The following GSG1L variants were observed in gnomAD, a reference collection of about 807,000 sequenced individuals.
GSG1L encodes the protein germ cell-specific gene 1-like protein.
In GSG1L, 24 loss-of-function variants were observed where a neutral mutation model predicts 42.1. That is an observed-to-expected ratio of 0.57 (90% CI 0.41 to 0.80). The LOEUF (loss-of-function observed/expected upper bound fraction) is 0.80. GSG1L is among the 30% of genes least tolerant of loss of function. GSG1L has a pLI of 0.00. For missense variants in GSG1L, 445 were observed against 472.2 expected (o/e 0.94, Z 0.53); for synonymous variants, 215 against 203.5 (o/e 1.06, Z -0.48).
intron 1 of GSG1L, among the ~76,000 whole-genome samples, chr16:28,035,559 A>G (rs950951307): frequency 1.3e-5 from 2 of 152,130 alleles, no homozygotes; most frequent in Non-Finnish European, 2.9e-5. Context: ...ATGTTTAATT[A>G]ATAAAATATC....
chr16:27,852,909 C>T (rs2083531886), intron 3 of GSG1L, among the ~76,000 whole-genome samples: 1 of 152,022 alleles, frequency 6.6e-6, no homozygotes, highest in South Asian at 2.1e-4. Context: ...ATGCTGGAGG[C>T]ATGGAGCCCC....
intron 4 of GSG1L, among the ~76,000 whole-genome samples, chr16:27,839,806 T>C (rs1645347): frequency 0.34 from 51,594 of 152,148 alleles, 9,028 homozygotes; most frequent in East Asian, 0.45. Context: ...CAAACTTTTA[T>C]AAGACACAAT....
intron 6 of GSG1L, among the ~76,000 whole-genome samples, chr16:27,797,578 T>C (rs1157034468): frequency 6.8e-6 from 1 of 147,216 alleles, no homozygotes; most frequent in Non-Finnish European, 1.5e-5. Context: ...ATCCCAGCAC[T>C]TTGGGAGGCC....
At chr16:27,964,128 G>A (rs1315487407) in intron 1 of GSG1L, among the ~76,000 whole-genome samples, 15 of 152,020 alleles carry the variant, frequency 9.9e-5, no homozygotes, top group Non-Finnish European at 1.5e-5. Flanking sequence ...TCAAGAGATG[G>A]AGACCATCCT....
intron 1 of GSG1L, among the ~76,000 whole-genome samples, chr16:28,003,567 C>T (rs751954168): frequency 2.0e-5 from 3 of 152,214 alleles, no homozygotes; most frequent in South Asian, 2.1e-4. Context: ...TCAGCATGGC[C>T]GGGTAAATCA....
At chr16:27,871,847 G>T (rs1329994377) in intron 3 of GSG1L, among the ~76,000 whole-genome samples, 2 of 152,194 alleles carry the variant, frequency 1.3e-5, no homozygotes, top group African/African-American at 2.4e-5. Context: ...TGATGGAATA[G>T]AAAATAGAGC....
intron 5 of GSG1L, among the ~76,000 whole-genome samples, chr16:27,817,166 T>G (rs1490611608): frequency 6.6e-6 from 1 of 152,172 alleles, no homozygotes; most frequent in African/African-American, 2.4e-5. Context: ...CCGGCCTGAT[T>G]CCAGGGCCGA....
chr16:27,879,816 G>A (rs1055991173), intron 3 of GSG1L, among the ~76,000 whole-genome samples: 3 of 148,668 alleles, frequency 2.0e-5, no homozygotes, highest in Admixed American at 1.3e-4. Context: ...ATTATTTTAT[G>A]TATTATTTTT....
chr16:27,930,469 G>T (rs1477464485), intron 2 of GSG1L, among the ~76,000 whole-genome samples: 2 of 152,182 alleles, frequency 1.3e-5, no homozygotes, highest in African/African-American at 4.8e-5. Flanking sequence ...TCCTCCCACT[G>T]GGATGTAAGC....
At chr16:27,975,542 C>G (rs887365693) in intron 1 of GSG1L, among the ~76,000 whole-genome samples, 1 of 152,194 alleles carries the variant, frequency 6.6e-6, no homozygotes, top group Admixed American at 6.5e-5. Context: ...GTGCAGGGGA[C>G]TTTTCCTCTG....
Position 27,798,222 on chromosome 16 carries a change from A to G in GSG1L, c.899-6755T>C, listed in dbSNP as rs191642956. 9.1e-3 allele frequency among the ~76,000 whole-genome samples: 1,389 copies of G among 152,292 alleles called. 10 individuals are homozygous for G. The highest frequency in any genetic ancestry group is 0.031 in the Middle Eastern group (9 of 294). On this transcript the variant is annotated intron_variant, in intron 6 of 6. Transcript: ENST00000447459. The stretch of plus-strand genomic sequence containing the variant: ...CACAAAGATTGGGCTCATAGACATT[A>G]TAAAAATTTGGCTCACAGACAAACA...
intron 2 of GSG1L, among the ~76,000 whole-genome samples, chr16:27,909,349 C>G (rs1375292180): frequency 6.7e-6 from 1 of 148,842 alleles, no homozygotes; most frequent in Non-Finnish European, 1.5e-5. Flanking sequence ...TTCTTTCTTT[C>G]TTTCTTTTTT....
intron 5 of GSG1L, among the ~76,000 whole-genome samples, chr16:27,817,012 T>A (rs2083101888): frequency 6.6e-6 from 1 of 151,808 alleles, no homozygotes; most frequent in South Asian, 2.1e-4. Flanking sequence ...TAGTCTGGAG[T>A]CTGATGGAGG....
At chr16:27,846,325 G>A (rs1015068532) in intron 3 of GSG1L, among the ~76,000 whole-genome samples, 4 of 152,208 alleles carry the variant, frequency 2.6e-5, no homozygotes, top group East Asian at 1.9e-4. Context: ...AGCTGTTCCT[G>A]CTCAGAAGGG....
chr16:28,011,708 A>C (rs1042463511), intron 1 of GSG1L, among the ~76,000 whole-genome samples: 3 of 152,196 alleles, frequency 2.0e-5, no homozygotes, highest in African/African-American at 7.2e-5. Flanking sequence ...GGACCAGGGC[A>C]GTGCCTTGGG....
At position 27,864,190 on chromosome 16, in the gene GSG1L, C is replaced by A. The variant is rs117003103; in HGVS notation, c.551-19129G>T. Among the ~76,000 whole-genome samples the A allele has an allele frequency of 8.5e-5, 13 of 152,314 alleles. No homozygotes were observed. In the East Asian group the frequency reaches 2.1e-3, roughly 25 times the overall value. On this transcript the variant is annotated intron_variant, in intron 3 of 6. Transcript: ENST00000447459. Reference sequence around the variant, plus strand: ...TCATTGCCTTGATTTGTATCACATGCTCATCCCTGAACCAATCATTGTGGG... The same window carrying A: ...TCATTGCCTTGATTTGTATCACATGATCATCCCTGAACCAATCATTGTGGG...
intron 2 of GSG1L, among the ~76,000 whole-genome samples, chr16:27,951,634 A>C (rs1241438567): frequency 1.3e-5 from 2 of 152,166 alleles, no homozygotes; most frequent in African/African-American, 4.8e-5. Context: ...CACCTGGCGT[A>C]TTCCGGCTGC....
intron 1 of GSG1L, among the ~76,000 whole-genome samples, chr16:28,044,421 G>A (rs972764080): frequency 3.3e-5 from 5 of 152,206 alleles, no homozygotes; most frequent in Non-Finnish European, 5.9e-5. Flanking sequence ...GTTAGTTGGC[G>A]TTAAAAACTT....
intron 4 of GSG1L, among the ~76,000 whole-genome samples, chr16:27,830,827 G>A (rs892694008): frequency 1.1e-4 from 17 of 152,366 alleles, no homozygotes; most frequent in African/African-American, 3.6e-4. Context: ...CCCGAGGATA[G>A]AGAATGAACA....
Sources: gnomAD v4.1 joint callset for allele counts (sites outside exome capture counted in the v4.1 genomes callset) on GRCh38, gnomAD v4.1.1 for gene constraint, MANE v1.5 for transcripts, NCBI Gene and HGNC (gene_info 2026-07-23, HGNC 2026-07-21) for gene names.